TBC1D4: variants seen among roughly 807,000 people sequenced by gnomAD.
TBC1D4 encodes TBC (Tre-2, BUB2, CDC16) domain-containing protein.
A neutral mutation model predicts 142.5 loss-of-function variants in TBC1D4; 121 were observed. The ratio of observed to expected loss-of-function variants is 0.85; its 90% CI spans 0.73 to 0.99. TBC1D4 has a LOEUF of 0.99. Ranked by LOEUF, TBC1D4 falls within the 50% of genes least tolerant of loss-of-function variation. TBC1D4 has a pLI of 0.00. For synonymous variants in TBC1D4, 630 were observed against 628.2 expected, an observed-to-expected ratio of 1.00 and a Z score of -0.04; for missense variants, 1,475 against 1,606.6, an observed-to-expected ratio of 0.92 and a Z score of 1.40.
In TBC1D4 at chr13:75,286,854, G is replaced by A. The variant is rs148486011; in HGVS notation, c.3835C>T (p.Leu1279=). The A allele has an allele frequency of 2.5e-6, 4 of 1,613,960 alleles. No homozygotes were observed. The African/African-American group carries it at 4.0e-5, about 16-fold the overall frequency. ...LPADALVNCD[L]LLRDLNCNPN... ...TTGCAGTTTAGGTCTCTCAGCAACA[G>A]GTCACAATTGACTAGAGCATCCGCG... The change falls in exon 21 of 21, where the codon CTG becomes TTG. Residue 1279 remains leucine (L), a synonymous_variant. Transcript: ENST00000377636.
rs2137805872 is a variant in TBC1D4, at chr13:75,284,818, T to C, written c.*1974A>G. 6.6e-6 allele frequency: 1 copy of C among 152,368 alleles called. No homozygotes were observed. Among genetic ancestry groups the C allele is most frequent in the Non-Finnish European group, 1.5e-5 (1 of 68,026 alleles). The allele number at this position is 152,368 out of a possible 1,614,324, so 9.4% of individuals were successfully genotyped here. On this transcript the variant is annotated 3_prime_UTR_variant, in exon 21 of 21. Coordinates refer to ENST00000377636, the MANE Select transcript of TBC1D4 (RefSeq NM_014832.5). ...AATTCATTTTCAAAAGAAAATATTG[T>C]ATCCAAGTCAGCTTAATCTCTGAAC...
chr13:75,477,966 CAG>C (rs2138352730), intron 1 of TBC1D4, among the ~76,000 whole-genome samples: 1 of 152,304 alleles, frequency 6.6e-6, no homozygotes, highest in East Asian at 1.9e-4. Flanking sequence ...CTTGGAGAAA[CAG>C]TGGTGCATTG....
intron 1 of TBC1D4, among the ~76,000 whole-genome samples, chr13:75,470,542 G>T (rs1056445913): frequency 6.6e-6 from 1 of 152,134 alleles, no homozygotes; most frequent in African/African-American, 2.4e-5. Context: ...AGAATCTCTG[G>T]TCTAGAGAGT....
intron 1 of TBC1D4, among the ~76,000 whole-genome samples, chr13:75,417,025 C>A (rs1327127204): frequency 1.3e-5 from 2 of 152,126 alleles, no homozygotes; most frequent in Non-Finnish European, 2.9e-5. Context: ...CTTGACATGC[C>A]CAAAAGCACC....
In TBC1D4 at chr13:75,433,175, G is replaced by A. The variant is rs573888129; in HGVS notation, c.498+48095C>T. ...TTTCTGTCATGCCATGGTGACCCACGTACTGCCACTCATTCATCAGATCCA... is the reference window on the plus strand; with the variant it reads ...TTTCTGTCATGCCATGGTGACCCACATACTGCCACTCATTCATCAGATCCA... On this transcript the variant is annotated intron_variant, in intron 1 of 20. Coordinates refer to ENST00000377636, the MANE Select transcript of TBC1D4 (RefSeq NM_014832.5). 7.6e-4 allele frequency among the ~76,000 whole-genome samples: 115 copies of A among 152,140 alleles called. 2 individuals carry two copies. The South Asian group carries it at 0.015, about 20-fold the overall frequency.
At chr13:75,460,818 G>C (rs374954325) in intron 1 of TBC1D4, among the ~76,000 whole-genome samples, 2 of 152,104 alleles carry the variant, frequency 1.3e-5, no homozygotes, top group African/African-American at 4.8e-5. Context: ...AGCTACTAGG[G>C]TGACTAAGGT....
chr13:75,436,951 A>G (rs1415100281), intron 1 of TBC1D4, among the ~76,000 whole-genome samples: 2 of 152,202 alleles, frequency 1.3e-5, no homozygotes, highest in African/African-American at 4.8e-5. Context: ...TATTCCTCCC[A>G]AAACACATAA....
chr13:75,336,991 A>G lies in TBC1D4; in HGVS notation c.1661T>C (p.Phe554Ser). The change falls in exon 8 of 21, where the codon TTC becomes TCC. Residue 554 changes from phenylalanine to serine, a missense_variant. Phe to Ser is a radical substitution (Grantham distance 155). Coordinates refer to ENST00000377636, the MANE Select transcript of TBC1D4 (RefSeq NM_014832.5). ...IPENATSSGR[F>S]KLDILKNKAK... ...TTTATTTTTCAGAATGTCAAGTTTG[A>G]ACCTTCCACTGCTTGTTGCATTTTC... 1 of 1,613,558 alleles carries G rather than the reference A, an allele frequency of 6.2e-7. No homozygotes were observed. The highest frequency in any genetic ancestry group is 8.5e-7 in the Non-Finnish European group (1 of 1,179,690).
In TBC1D4 at chr13:75,356,262, G is replaced by A. The variant is rs1271832014; in HGVS notation, c.1171-11C>T. 1 of 1,568,434 alleles carries A rather than the reference G, an allele frequency of 6.4e-7. No homozygotes were observed. Among genetic ancestry groups the A allele is most frequent in the South Asian group, 1.1e-5 (1 of 90,056 alleles). ...CACATGCTTTATACCCTAGATGGAGGGGAAGAAGTGCAATAAAAATGTATG... is the reference window on the plus strand; with the variant it reads ...CACATGCTTTATACCCTAGATGGAGAGGAAGAAGTGCAATAAAAATGTATG... On this transcript the variant is annotated splice_polypyrimidine_tract_variant and intron_variant, in intron 3 of 20. Coordinates refer to ENST00000377636, the MANE Select transcript of TBC1D4 (RefSeq NM_014832.5).
intron 1 of TBC1D4, among the ~76,000 whole-genome samples, chr13:75,440,504 C>G (rs980189923): frequency 6.6e-6 from 1 of 151,772 alleles, no homozygotes; most frequent in Non-Finnish European, 1.5e-5. Flanking sequence ...GAAGAGGGAA[C>G]CAATTGTTAA....
intron 14 of TBC1D4, among the ~76,000 whole-genome samples, chr13:75,307,511 G>A (rs573249094): frequency 2.6e-5 from 4 of 152,252 alleles, no homozygotes; most frequent in Middle Eastern, 3.4e-3. Context: ...TTAGGATCAC[G>A]GTGGACAGGA....
intron 1 of TBC1D4, among the ~76,000 whole-genome samples, chr13:75,462,988 T>C (rs945353593): frequency 6.6e-6 from 1 of 152,136 alleles, no homozygotes; most frequent in African/African-American, 2.4e-5. Context: ...ACCTTATGAT[T>C]ACAGGCTGAT....
At chr13:75,302,176 C>T in intron 16 of TBC1D4, 67 bp downstream of exon 16, 1 of 1,603,852 alleles carries the variant, frequency 6.2e-7, no homozygotes, top group Non-Finnish European at 8.5e-7. Flanking sequence ...CAAACAAAAA[C>T]CAAAAAAACT....
chr13:75,424,580 AGCT>A (rs1886304458), intron 1 of TBC1D4, among the ~76,000 whole-genome samples: 2 of 152,350 alleles, frequency 1.3e-5, no homozygotes, highest in Admixed American at 1.3e-4. Context: ...AAATGAACAA[AGCT>A]GAAGGCATCA....
rs781044731 is a variant in TBC1D4, at chr13:75,481,441, G to T, written c.327C>A (p.Ala109=). ...TGAATACCGCCGGGTTGGGCTGCGT[G>T]GCCGACGGACTAGTGCCCCCCGAGG... ...AGASGGTSPS[A]TQPNPAVFIF... is the part of the protein sequence containing the mutation. Residue 109 remains alanine (A), a synonymous_variant, in exon 1 of 21, where the codon GCC becomes GCA. Coordinates refer to ENST00000377636, the MANE Select transcript of TBC1D4 (RefSeq NM_014832.5). The T allele has an allele frequency of 1.9e-6, 3 of 1,613,712 alleles. No individual in the cohort carries two copies. Among genetic ancestry groups the T allele is most frequent in the Middle Eastern group, 1.6e-4 (1 of 6,084 alleles).
In TBC1D4 at chr13:75,349,238, T is replaced by C. The variant is rs1881406965; in HGVS notation, c.1340A>G (p.Lys447Arg). The C allele has an allele frequency of 1.9e-6, 3 of 1,614,034 alleles. No individual in the cohort carries two copies. Among genetic ancestry groups the C allele is most frequent in the Non-Finnish European group, 2.5e-6 (3 of 1,179,952 alleles). The change falls in exon 5 of 21, where the codon AAG (lysine) becomes AGG (arginine). Residue 447 changes from lysine to arginine, a missense_variant. Around this residue, in one of 2 missense-constraint regions of TBC1D4, gnomAD observed 1,227 missense variants for 1,267.7 expected, o/e 0.97. Coordinates refer to ENST00000377636, the MANE Select transcript of TBC1D4 (RefSeq NM_014832.5). ...GGCCTCACACAGTTTAATCTGCGTC[T>C]TGGCACTCTGCAGGGCAGCCGCCGT... The part of the protein sequence containing the change: ...FSTAAALQSA[K>R]TQIKLCEACP...
chr13:75,445,600 A>G (rs767503343), intron 1 of TBC1D4, among the ~76,000 whole-genome samples: 5 of 152,200 alleles, frequency 3.3e-5, no homozygotes, highest in Non-Finnish European at 7.3e-5. Flanking sequence ...AGTAAAATGT[A>G]GCAGTGGTAA....
chr13:75,414,920 T>A (rs148120143), intron 1 of TBC1D4, among the ~76,000 whole-genome samples: 4 of 152,104 alleles, frequency 2.6e-5, no homozygotes, highest in African/African-American at 7.2e-5. Flanking sequence ...GGTCAGGAGT[T>A]TGAGACAAGC....
At chr13:75,383,820 G>A (rs925028214) in intron 1 of TBC1D4, among the ~76,000 whole-genome samples, 4 of 152,066 alleles carry the variant, frequency 2.6e-5, no homozygotes, top group African/African-American at 9.7e-5. Context: ...GTATATAACT[G>A]GTCTTCTTGC....
Sources: gnomAD v4.1 joint callset for allele counts (sites outside exome capture counted in the v4.1 genomes callset) on GRCh38, gnomAD v4.1.1 for gene constraint, gnomAD v4.1.1 regional missense constraint, MANE v1.5 for transcripts, NCBI Gene and HGNC (gene_info 2026-07-23, HGNC 2026-07-21) for gene names.